MEGF11: variants seen among roughly 807,000 people sequenced by gnomAD.
MEGF11 encodes multiple epidermal growth factor-like domains protein 11.
Under a neutral mutation model 146.6 loss-of-function variants are expected in MEGF11, and 126 were observed. The observed-to-expected ratio is 0.86, with a 90% CI of 0.74 to 1.00. The LOEUF is 1.00. MEGF11 is among the 50% of genes least tolerant of loss of function. The probability of loss-of-function intolerance (pLI) is 0.00; values close to 1 mark genes in which losing one functional copy is unlikely to be tolerated. For synonymous variants in MEGF11, 532 were observed against 583.4 expected (o/e 0.91, Z 1.27); for missense variants, 1,509 against 1,521.2 (o/e 0.99, Z 0.13).
chr15:66,040,564 G>A (rs1163234899), intron 5 of MEGF11, among the ~76,000 whole-genome samples: 1 of 152,184 alleles, frequency 6.6e-6, no homozygotes, highest in East Asian at 1.9e-4. Flanking sequence ...TACAAGGTGA[G>A]GAAGCTGTCT....
intron 5 of MEGF11, among the ~76,000 whole-genome samples, chr15:65,998,409 G>T (rs983953684): frequency 5.9e-5 from 9 of 152,308 alleles, no homozygotes; most frequent in African/African-American, 1.9e-4. Flanking sequence ...AGGGCAGGAG[G>T]AGCAGTTGGG....
At chr15:65,936,296 C>T (rs937651214) in intron 10 of MEGF11, among the ~76,000 whole-genome samples, 5 of 152,152 alleles carry the variant, frequency 3.3e-5, no homozygotes, top group African/African-American at 1.2e-4. Context: ...TGGCTCAGTG[C>T]CTTCCTCCAC....
intron 15 of MEGF11, among the ~76,000 whole-genome samples, chr15:65,920,982 G>A (rs2079154407): frequency 1.3e-5 from 2 of 152,180 alleles, no homozygotes; most frequent in African/African-American, 4.8e-5. Flanking sequence ...AGTGAACCTC[G>A]ACATGTCAGG....
chr15:66,214,321 G>A lies in MEGF11; in HGVS notation c.-9+39284C>T, dbSNP rs1382813440. ...GTACTGGGATTACAGGGATTACACT[G>A]TGCCTGGCCAGAGCAGGCCACTTCT... On this transcript the variant is annotated intron_variant, in intron 1 of 25. Transcript: ENST00000395614. 2.0e-5 allele frequency among the ~76,000 whole-genome samples: 3 copies of A among 152,244 alleles called. No individual in the cohort carries two copies. The East Asian group carries it at 5.8e-4, about 29-fold the overall frequency.
chr15:66,153,456 C>T (rs2089641361), intron 1 of MEGF11, among the ~76,000 whole-genome samples: 1 of 152,056 alleles, frequency 6.6e-6, no homozygotes, highest in Non-Finnish European at 1.5e-5. Flanking sequence ...ACCTATAGTC[C>T]CAGCTACTCG....
At chr15:66,061,035 T>C (rs146361094) in intron 5 of MEGF11, among the ~76,000 whole-genome samples, 170 of 152,144 alleles carry the variant, frequency 1.1e-3, no homozygotes, top group Admixed American at 2.7e-3. Flanking sequence ...AGGGCCAGGG[T>C]AGCAGTGAAG....
intron 5 of MEGF11, chr15:66,040,398 AAAAC>A: frequency 6.5e-6 from 1 of 153,738 alleles, no homozygotes; most frequent in South Asian, 2.0e-4. Flanking sequence ...TCAGCACACT[AAAAC>A]AATTCCAGAT....
At chr15:65,946,403 A>G (rs2141409495) in intron 10 of MEGF11, among the ~76,000 whole-genome samples, 1 of 152,230 alleles carries the variant, frequency 6.6e-6, no homozygotes, top group Admixed American at 6.5e-5. Context: ...TTTGGGGAGG[A>G]TGGGATCCAG....
At chr15:65,968,375 C>G (rs1281436105) in intron 8 of MEGF11, among the ~76,000 whole-genome samples, 1 of 152,182 alleles carries the variant, frequency 6.6e-6, no homozygotes, top group Non-Finnish European at 1.5e-5. Flanking sequence ...CAGATACCTC[C>G]TGATACCTGT....
At chr15:65,972,705 A>G (rs2081332625) in intron 7 of MEGF11, among the ~76,000 whole-genome samples, 1 of 152,254 alleles carries the variant, frequency 6.6e-6, no homozygotes, top group Non-Finnish European at 1.5e-5. Flanking sequence ...TCTACACCCA[A>G]CTAAACTAAC....
chr15:66,066,140 A>C (rs965194459), intron 5 of MEGF11, among the ~76,000 whole-genome samples: 30 of 152,210 alleles, frequency 2.0e-4, no homozygotes, highest in African/African-American at 6.5e-4. Context: ...AAATGCCGGA[A>C]GAGGAAGCCT....
chr15:65,992,013 G>A (rs574550110), intron 5 of MEGF11, among the ~76,000 whole-genome samples: 1 of 152,376 alleles, frequency 6.6e-6, no homozygotes, highest in Non-Finnish European at 1.5e-5. Context: ...CAAGCTGTCT[G>A]CTAAAACTGG....
intron 5 of MEGF11, among the ~76,000 whole-genome samples, chr15:66,027,839 G>A (rs1002913521): frequency 3.9e-5 from 6 of 152,256 alleles, no homozygotes; most frequent in East Asian, 1.9e-4. Context: ...CCAGGCTAGC[G>A]TTCTTAAGCT....
At chr15:66,151,104 T>C (rs542467148) in intron 1 of MEGF11, among the ~76,000 whole-genome samples, 4 of 152,270 alleles carry the variant, frequency 2.6e-5, no homozygotes, top group Admixed American at 2.6e-4. Context: ...ACCTTTGAAC[T>C]ACTTGGAATT....
At chr15:65,999,230 A>G (rs1211205392) in intron 5 of MEGF11, among the ~76,000 whole-genome samples, 2 of 151,364 alleles carry the variant, frequency 1.3e-5, no homozygotes, top group Non-Finnish European at 2.9e-5. Flanking sequence ...GGGTCTCCCT[A>G]CGTTGCCCAG....
chr15:66,000,915 G>A (rs1410992180), intron 5 of MEGF11, among the ~76,000 whole-genome samples: 2 of 152,198 alleles, frequency 1.3e-5, no homozygotes, highest in African/African-American at 2.4e-5. Flanking sequence ...GAGACTTGGT[G>A]GGGCCTGGAG....
At chr15:66,188,233 C>CTA (rs2090765509) in intron 1 of MEGF11, among the ~76,000 whole-genome samples, 1 of 151,754 alleles carries the variant, frequency 6.6e-6, no homozygotes, top group African/African-American at 2.4e-5. Context: ...CACTGGGGAT[C>CTA]TATATATATA....
At chr15:65,947,403 C>T (rs1033080642) in intron 10 of MEGF11, among the ~76,000 whole-genome samples, 1 of 152,126 alleles carries the variant, frequency 6.6e-6, no homozygotes, top group Admixed American at 6.5e-5. Context: ...GGTGCAAACG[C>T]TGACCCCCTG....
rs1028270278 is a variant in MEGF11 at position 65,915,516 on chromosome 15, G to A, written c.2427C>T (p.Gly809=). The change falls in exon 19 of 26, where the codon GGC becomes GGT. Residue 809 remains glycine, a synonymous_variant. Transcript: ENST00000395614. ...TGAAGCCAGGGCTGCAGTAACAGGT[G>A]CCGGTGACATGGTCACAGGTGGAGT... The part of the protein sequence containing the change: ...MNNSTCDHVT[G]TCYCSPGFKG... 1.9e-6 allele frequency: 3 copies of A among 1,613,966 alleles called. No individual in the cohort carries two copies. Among genetic ancestry groups the A allele is most frequent in the African/African-American group, 1.3e-5 (1 of 75,044 alleles).
Sources: gnomAD v4.1 joint callset for allele counts (sites outside exome capture counted in the v4.1 genomes callset) on GRCh38, gnomAD v4.1.1 for gene constraint, MANE v1.5 for transcripts, NCBI Gene and HGNC (gene_info 2026-07-23, HGNC 2026-07-21) for gene names.